ZNF708: variants seen among roughly 807,000 people sequenced by gnomAD.
ZNF708 encodes zinc finger protein 708, also known as ZNF15, ZNF15L1.
In ZNF708, 44 loss-of-function variants were observed where a neutral mutation model predicts 47.0. The observed-to-expected ratio is 0.94, with a 90% CI of 0.74 to 1.20. The LOEUF is 1.20. Among genes scored for constraint, ZNF708 ranks in the 50% most tolerant of loss-of-function variants. The pLI is 0.00. For missense variants in ZNF708, 557 were observed against 656.0 expected, an observed-to-expected ratio of 0.85 and a Z score of 1.65; for synonymous variants, 184 against 218.5, an observed-to-expected ratio of 0.84 and a Z score of 1.39.
intron 3 of ZNF708, among the ~76,000 whole-genome samples, chr19:21,301,638 CAAAA>C (rs201794948): frequency 6.8e-6 from 1 of 148,020 alleles, no homozygotes; most frequent in African/African-American, 2.5e-5. Flanking sequence ...AACAAACAAA[CAAAA>C]AAAAATTAGC....
intron 2 of ZNF708, 141 bp from the exon 3 acceptor site, chr19:21,309,482 T>A: frequency 1.4e-6 from 1 of 700,868 alleles, no homozygotes; most frequent in Non-Finnish European, 2.1e-6. Flanking sequence ...CCGAGGTGGG[T>A]AGATCACCTG....
At chr19:21,304,068 AG>A (rs1278927939) in intron 3 of ZNF708, among the ~76,000 whole-genome samples, 1 of 152,150 alleles carries the variant, frequency 6.6e-6, no homozygotes, top group African/African-American at 2.4e-5. Flanking sequence ...GGAATACCTG[AG>A]AGTAGATAAT....
intron 1 of ZNF708, among the ~76,000 whole-genome samples, chr19:21,324,498 C>T (rs987538663): frequency 2.2e-4 from 34 of 151,698 alleles, no homozygotes; most frequent in African/African-American, 8.0e-4. Context: ...ACCCAGGAGG[C>T]GGAAGCTGCA....
chr19:21,311,050 G>A (rs1972889143), intron 1 of ZNF708, among the ~76,000 whole-genome samples: 1 of 152,124 alleles, frequency 6.6e-6, no homozygotes, highest in Non-Finnish European at 1.5e-5. Flanking sequence ...TTTTTCAGAA[G>A]ATCTGGAATA....
Position 21,329,299 on chromosome 19 carries a change from G to C in ZNF708, c.-87C>G. 6.3e-7 allele frequency: 1 copy of C among 1,582,742 alleles called. No individual in the cohort carries two copies. Among genetic ancestry groups the C allele is most frequent in the Non-Finnish European group, 8.7e-7 (1 of 1,155,506 alleles). ...AGAGCCACAGAGTCTGGGCCTCTAG[G>C]AGCAGAGGACAAACAGCAGTGAAGA... is the stretch of plus-strand genomic sequence containing the variant. On this transcript the variant is annotated 5_prime_UTR_variant, in exon 1 of 4. Transcript: ENST00000356929.
chr19:21,294,513 T>C lies in ZNF708; in HGVS notation c.453A>G (p.Lys151=). The stretch of plus-strand genomic sequence containing the variant: ...TCTTATGTCTCTTTGCATTTGAATA[T>C]TTATGAAAGACTTTCACGTATTTGT... ...QCDKYVKVFH[K]YSNAKRHKIR... The change falls in exon 4 of 4, where the codon AAA becomes AAG. Residue 151 remains lysine (K), a synonymous_variant. Transcript: ENST00000356929. 1.9e-6 allele frequency: 3 copies of C among 1,614,198 alleles called. No homozygotes were observed. Among genetic ancestry groups the C allele is most frequent in the Non-Finnish European group, 2.5e-6 (3 of 1,180,022 alleles).
In ZNF708 at chr19:21,293,316, A is replaced by G; in HGVS notation, c.1650T>C (p.His550=). 6.2e-7 allele frequency: 1 copy of G among 1,611,598 alleles called. No individual in the cohort carries two copies. Among genetic ancestry groups the G allele is most frequent in the Non-Finnish European group, 8.5e-7 (1 of 1,178,864 alleles). Residue 550 remains histidine, a synonymous_variant, in exon 4 of 4, where the codon CAT becomes CAC. Transcript: ENST00000356929. ...GTTTCTCTTTGGTATGAATTCTCTT[A>G]TGTTTAGTAAGGTTTGGGGACTGGT... ...AFNQSPNLTK[H]KRIHTKEKPY...
intron 3 of ZNF708, among the ~76,000 whole-genome samples, chr19:21,303,228 A>T (rs935407980): frequency 2.6e-5 from 4 of 152,170 alleles, no homozygotes; most frequent in African/African-American, 9.6e-5. Flanking sequence ...AACCAGGCTG[A>T]TTGACAGAGT....
intron 3 of ZNF708, among the ~76,000 whole-genome samples, chr19:21,303,278 C>A (rs1484955759): frequency 6.6e-6 from 1 of 152,100 alleles, no homozygotes; most frequent in East Asian, 1.9e-4. Context: ...ATAGGCCAGG[C>A]ATGGTGGCTC....
chr19:21,305,389 A>T (rs1397798919), intron 3 of ZNF708, among the ~76,000 whole-genome samples: 1 of 152,102 alleles, frequency 6.6e-6, no homozygotes, highest in East Asian at 1.9e-4. Flanking sequence ...TGGTGAATGA[A>T]TTTAATATAA....
rs1343016911 is a variant in ZNF708 at position 21,294,233 on chromosome 19, T to C, written c.733A>G (p.Ile245Val). The change falls in exon 4 of 4, where the codon ATT becomes GTT. Residue 245 changes from isoleucine (I) to valine (V), a missense_variant. Ile to Val is a conservative substitution (Grantham distance 29). Transcript: ENST00000356929. Reference protein sequence around the residue: ...QSSTLTRHKIIHTGEKLYKCE... With the variant: ...QSSTLTRHKIVHTGEKLYKCE... ...TTGTAGAGTTTCTCTCCAGTATGAA[T>C]TATCTTATGTCTAGTAAGAGTTGAG... is the stretch of plus-strand genomic sequence containing the variant. The C allele has an allele frequency of 1.2e-6, 2 of 1,612,892 alleles. No individual in the cohort carries two copies. Among genetic ancestry groups the C allele is most frequent in the East Asian group, 4.5e-5 (2 of 44,848 alleles).
chr19:21,307,008 CATAAA>C (rs1310109233), intron 3 of ZNF708: 4 of 110,240 alleles, frequency 3.6e-5, no homozygotes, highest in East Asian at 2.6e-4. Context: ...CATAACATAA[CATAAA>C]ACATAACATA....
chr19:21,314,147 A>G (rs1449330453), intron 1 of ZNF708, among the ~76,000 whole-genome samples: 2 of 152,158 alleles, frequency 1.3e-5, no homozygotes, highest in African/African-American at 4.8e-5. Context: ...AAGGCCCTCA[A>G]GAAGGGTGAA....
At chr19:21,300,261 G>A (rs1972628047) in intron 3 of ZNF708, among the ~76,000 whole-genome samples, 1 of 150,174 alleles carries the variant, frequency 6.7e-6, no homozygotes, top group Non-Finnish European at 1.5e-5. Flanking sequence ...TGTAATCCCA[G>A]CACTTTGGGA....
intron 2 of ZNF708, among the ~76,000 whole-genome samples, chr19:21,309,839 T>G (rs1324248596): frequency 6.6e-6 from 1 of 152,184 alleles, no homozygotes; most frequent in African/African-American, 2.4e-5. Context: ...TATTTTCAAT[T>G]TGTATGTTCT....
At chr19:21,297,244 G>GTGTGTATATATATA (rs1356825868) in intron 3 of ZNF708, among the ~76,000 whole-genome samples, 4 of 12,000 alleles carry the variant, frequency 3.3e-4, no homozygotes, top group Non-Finnish European at 8.4e-4. Flanking sequence ...TGCAAATAAG[G>GTGTGTATATATATA]TATATATATA....
At chr19:21,294,775 C>T in intron 3 of ZNF708, 36 bp from the exon 4 acceptor site, 1 of 1,520,292 alleles carries the variant, frequency 6.6e-7, no homozygotes, top group Non-Finnish European at 8.8e-7. Context: ...ATTCCATTTA[C>T]TCAACTCAGA....
intron 1 of ZNF708, among the ~76,000 whole-genome samples, chr19:21,320,957 T>C (rs1973119005): frequency 6.6e-6 from 1 of 151,572 alleles, no homozygotes; most frequent in Admixed American, 6.6e-5. Flanking sequence ...CCAGCTAATG[T>C]GGTGAAACCC....
At chr19:21,311,357 C>A (rs1331362910) in intron 1 of ZNF708, among the ~76,000 whole-genome samples, 1 of 148,726 alleles carries the variant, frequency 6.7e-6, no homozygotes, top group Non-Finnish European at 1.5e-5. Context: ...TTTCAGAGAG[C>A]TCTTTAACCA....
Sources: allele counts gnomAD v4.1 joint callset (sites outside exome capture counted in the v4.1 genomes callset), GRCh38; gene constraint gnomAD v4.1.1; transcripts MANE v1.5; gene names NCBI Gene and HGNC (gene_info 2026-07-23, HGNC 2026-07-21).